The following OR9Q1 variants were observed in gnomAD, a reference collection of about 807,000 sequenced individuals.
OR9Q1 encodes olfactory receptor 9Q1.
For synonymous variants in OR9Q1, 153 were observed against 148.6 expected, an observed-to-expected ratio of 1.03 and a Z score of -0.22; for missense variants, 374 against 378.8, an observed-to-expected ratio of 0.99 and a Z score of 0.11.
intron 2 of OR9Q1, among the ~76,000 whole-genome samples, chr11:58,092,435 C>T (rs1252368756): frequency 6.6e-6 from 1 of 151,490 alleles, no homozygotes; most frequent in African/African-American, 2.4e-5. Flanking sequence ...TTTTATAAGA[C>T]ATAATAATAT....
chr11:58,035,418 T>C (rs1015406468), intron 1 of OR9Q1, among the ~76,000 whole-genome samples: 16 of 152,318 alleles, frequency 1.1e-4, no homozygotes, highest in Admixed American at 7.8e-4. Flanking sequence ...CCTATGTCAG[T>C]TGGTATTTTG....
At position 58,179,816 on chromosome 11, in the gene OR9Q1, G is replaced by T. The variant is rs377243481; in HGVS notation, c.372G>T (p.Leu124Phe). ...LLALMAYDRY[L>F]AVCQPLLYVT... Reference sequence around the variant, plus strand: ...CCCTCATGGCCTATGACCGCTACTTGGCTGTGTGCCAGCCCCTGCTTTATG... The same window carrying T: ...CCCTCATGGCCTATGACCGCTACTTTGCTGTGTGCCAGCCCCTGCTTTATG... The change falls in exon 3 of 3, where the codon TTG becomes TTT. Residue 124 changes from leucine to phenylalanine, a missense_variant. Transcript: ENST00000335397. 1.9e-6 allele frequency: 3 copies of T among 1,614,030 alleles called. 1 individual carries two copies. The African/African-American group carries it at 4.0e-5, about 22-fold the overall frequency.
chr11:58,122,083 GA>G (rs1854039201), intron 2 of OR9Q1, among the ~76,000 whole-genome samples: 1 of 152,120 alleles, frequency 6.6e-6, no homozygotes, highest in Admixed American at 6.5e-5. Context: ...AAGAGGTTTT[GA>G]ACTTGTGATG....
At chr11:58,054,469 A>C (rs539566936) in intron 1 of OR9Q1, among the ~76,000 whole-genome samples, 2 of 152,076 alleles carry the variant, frequency 1.3e-5, no homozygotes, top group African/African-American at 4.8e-5. Context: ...ACCAATACCA[A>C]TATTTTTGCA....
chr11:58,085,650 T>C (rs756260572), intron 2 of OR9Q1, among the ~76,000 whole-genome samples: 2 of 151,896 alleles, frequency 1.3e-5, no homozygotes, highest in Non-Finnish European at 1.5e-5. Flanking sequence ...AATCAAGTAG[T>C]ATTATTTTTA....
At chr11:58,155,996 C>G (rs1007418408) in intron 2 of OR9Q1, among the ~76,000 whole-genome samples, 1 of 151,382 alleles carries the variant, frequency 6.6e-6, no homozygotes, top group Non-Finnish European at 1.5e-5. Flanking sequence ...TCAGTGCAAC[C>G]TCCACCTCCC....
rs760953966 is a variant in OR9Q1 at position 58,180,414 on chromosome 11, C to T, written c.*37C>T. ...CTTGGAAAATCCCGAGAACCACCTACTCTGTAGTGTCAGAATTCTGGACGC... is the reference window on the plus strand; with the variant it reads ...CTTGGAAAATCCCGAGAACCACCTATTCTGTAGTGTCAGAATTCTGGACGC... On this transcript the variant is annotated 3_prime_UTR_variant, in exon 3 of 3. Coordinates refer to ENST00000335397, the MANE Select transcript of OR9Q1 (RefSeq NM_001005212.4). 14 of 1,320,040 alleles carry T rather than the reference C, an allele frequency of 1.1e-5. No homozygotes were observed. Among genetic ancestry groups the T allele is most frequent in the South Asian group, 2.9e-5 (2 of 69,954 alleles). The allele number at this position is 1,320,040 out of a possible 1,614,324, so 81.8% of individuals were successfully genotyped here.
chr11:58,140,682 T>G (rs1384125919), intron 2 of OR9Q1, among the ~76,000 whole-genome samples: 1 of 152,346 alleles, frequency 6.6e-6, no homozygotes, highest in East Asian at 1.9e-4. Context: ...CTGTGTTGGT[T>G]ACTGTAGCCT....
intron 2 of OR9Q1, chr11:58,109,158 G>C (rs1357393903): frequency 2.0e-6 from 1 of 500,546 alleles, no homozygotes. Context: ...TGTCACAACA[G>C]AAGGAGAGGG....
intron 2 of OR9Q1, among the ~76,000 whole-genome samples, chr11:58,082,652 C>T (rs1252928013): frequency 5.8e-5 from 8 of 137,520 alleles, no homozygotes; most frequent in Non-Finnish European, 7.8e-5. Flanking sequence ...TGCTAAATGA[C>T]GAGTTAATGG....
chr11:58,106,691 A>G (rs1565077242), intron 2 of OR9Q1, among the ~76,000 whole-genome samples: 3 of 152,290 alleles, frequency 2.0e-5, no homozygotes, highest in African/African-American at 2.4e-5. Context: ...CGTAGGGTCC[A>G]GTGTCATTCT....
chr11:58,104,733 G>A (rs554725459), intron 2 of OR9Q1, among the ~76,000 whole-genome samples: 13 of 152,254 alleles, frequency 8.5e-5, no homozygotes, highest in Admixed American at 3.3e-4. Context: ...CACTGAAGCA[G>A]TAAATGTTCA....
intron 2 of OR9Q1, among the ~76,000 whole-genome samples, chr11:58,143,031 C>T (rs1212293273): frequency 6.6e-6 from 1 of 152,130 alleles, no homozygotes; most frequent in Non-Finnish European, 1.5e-5. Flanking sequence ...CACTGTCTGG[C>T]ATACAAATCC....
At chr11:58,168,755 G>A (rs1469203181) in intron 2 of OR9Q1, among the ~76,000 whole-genome samples, 2 of 151,866 alleles carry the variant, frequency 1.3e-5, no homozygotes, top group Non-Finnish European at 2.9e-5. Flanking sequence ...TTAGCTTCTT[G>A]TGGTTGTGTG....
chr11:58,146,869 GA>G (rs1224035692), intron 2 of OR9Q1, among the ~76,000 whole-genome samples: 1 of 152,224 alleles, frequency 6.6e-6, no homozygotes, highest in Non-Finnish European at 1.5e-5. Flanking sequence ...CTTAGTGTGA[GA>G]TGCAACTGGC....
At chr11:58,056,286 T>G (rs943607843) in intron 2 of OR9Q1, among the ~76,000 whole-genome samples, 6 of 152,194 alleles carry the variant, frequency 3.9e-5, no homozygotes, top group African/African-American at 1.4e-4. Context: ...TTCTCTCTGT[T>G]GGACCTAGAC....
chr11:58,043,421 A>G (rs1036182513), intron 1 of OR9Q1, among the ~76,000 whole-genome samples: 7 of 152,206 alleles, frequency 4.6e-5, no homozygotes, highest in Non-Finnish European at 7.3e-5. Flanking sequence ...TCCCCAAGAC[A>G]CACACTGAAA....
At chr11:58,086,932 C>T in intron 2 of OR9Q1, among the ~76,000 whole-genome samples, 1 of 151,670 alleles carries the variant, frequency 6.6e-6, no homozygotes, top group African/African-American at 2.4e-5. Context: ...TGACCTATTG[C>T]ACAGAATGGT....
intron 1 of OR9Q1, chr11:58,031,151 C>T (rs763732066): frequency 2.5e-6 from 4 of 1,614,066 alleles, no homozygotes; most frequent in Non-Finnish European, 3.4e-6. Flanking sequence ...CTTCCTGACA[C>T]ACTTGTCCTG....
Sources: allele counts gnomAD v4.1 joint callset (sites outside exome capture counted in the v4.1 genomes callset), GRCh38; gene constraint gnomAD v4.1.1; transcripts MANE v1.5; gene names NCBI Gene and HGNC (gene_info 2026-07-23, HGNC 2026-07-21).